Variants in LRRC7 observed in about 807,000 individuals in gnomAD.
LRRC7 encodes leucine-rich repeat-containing protein 7.
In LRRC7, 23 loss-of-function variants were observed where a neutral mutation model predicts 175.7. The ratio of observed to expected loss-of-function variants is 0.13; its 90% CI spans 0.09 to 0.19. LRRC7 has a LOEUF of 0.19. Among genes scored for constraint, LRRC7 ranks in the 10% least tolerant of loss-of-function variants. LRRC7 has a pLI of 1.00. For synonymous variants in LRRC7, 685 were observed against 680.9 expected, an observed-to-expected ratio of 1.01 and a Z score of -0.09; for missense variants, 1,354 against 1,904.7, an observed-to-expected ratio of 0.71 and a Z score of 5.38.
intron 4 of LRRC7, among the ~76,000 whole-genome samples, chr1:69,797,791 T>G (rs1021329930): frequency 1.2e-4 from 19 of 152,222 alleles, no homozygotes; most frequent in African/African-American, 4.3e-4. Context: ...ATAAGATATG[T>G]CATTTGAACT....
chr1:69,604,524 T>C (rs1292376365), intron 1 of LRRC7, among the ~76,000 whole-genome samples: 1 of 152,058 alleles, frequency 6.6e-6, no homozygotes, highest in Non-Finnish European at 1.5e-5. Flanking sequence ...ACTAATACCT[T>C]AACTTGATTT....
At position 69,937,673 on chromosome 1, in the gene LRRC7, A is replaced by ATGTT. The variant is rs534646091; in HGVS notation, c.711+6105_711+6108dup. ...AAAATTATCAGCCCTGTCTCTTTAA[A>ATGTT]TGTTTCCTTTTACCTATTTGCTCTG... On this transcript the variant is annotated intron_variant, in intron 8 of 26. Transcript: ENST00000651989. Among the ~76,000 whole-genome samples the ATGTT allele has an allele frequency of 9.9e-4, 151 of 152,104 alleles. 1 individual carries two copies. The South Asian group carries it at 0.031, about 31-fold the overall frequency.
chr1:70,074,747 A>G (rs1399128595), intron 23 of LRRC7, among the ~76,000 whole-genome samples: 3 of 152,190 alleles, frequency 2.0e-5, no homozygotes, highest in Non-Finnish European at 4.4e-5. Flanking sequence ...CCAAATAATA[A>G]TTTTTAATAT....
intron 3 of LRRC7, among the ~76,000 whole-genome samples, chr1:69,775,137 T>G (rs543530167): frequency 6.6e-6 from 1 of 152,334 alleles, no homozygotes; most frequent in South Asian, 2.1e-4. Flanking sequence ...AAATGATTTA[T>G]CAATGCGTCT....
intron 7 of LRRC7, among the ~76,000 whole-genome samples, chr1:69,907,464 G>A (rs1002191024): frequency 7.2e-5 from 11 of 152,062 alleles, no homozygotes; most frequent in African/African-American, 2.7e-4. Flanking sequence ...AGAGTTTTTA[G>A]CATGAAGGGT....
intron 1 of LRRC7, among the ~76,000 whole-genome samples, chr1:69,574,143 T>A (rs1036745538): frequency 2.0e-5 from 3 of 152,084 alleles, no homozygotes; most frequent in African/African-American, 7.2e-5. Context: ...GATATTTAAA[T>A]GTTGTAGTAC....
chr1:70,112,055 G>A (rs1315306958), intron 26 of LRRC7, among the ~76,000 whole-genome samples: 1 of 152,090 alleles, frequency 6.6e-6, no homozygotes, highest in Non-Finnish European at 1.5e-5. Context: ...TGTATTTCAA[G>A]ATGCTAAAAG....
chr1:69,820,704 T>C (rs996791553), intron 4 of LRRC7, among the ~76,000 whole-genome samples: 3 of 151,628 alleles, frequency 2.0e-5, no homozygotes, highest in Non-Finnish European at 4.4e-5. Flanking sequence ...TCCTTTTTTA[T>C]AGATGCATAG....
rs1666801234 is a variant in LRRC7, at chr1:70,134,807, C to G, written c.*12920C>G. Among the ~76,000 whole-genome samples the G allele has an allele frequency of 1.3e-5, 2 of 152,172 alleles. No individual in the cohort carries two copies. Among genetic ancestry groups the G allele is most frequent in the African/African-American group, 2.4e-5 (1 of 41,446 alleles). ...TTACCAAGTGTTCTTCCTCTCTTTTCAGAGAAGTTAAATATCTCCTTAACA... is the reference window on the plus strand; with the variant it reads ...TTACCAAGTGTTCTTCCTCTCTTTTGAGAGAAGTTAAATATCTCCTTAACA... On this transcript the variant is annotated 3_prime_UTR_variant, in exon 27 of 27. Coordinates refer to ENST00000651989, the MANE Select transcript of LRRC7 (RefSeq NM_001370785.2).
chr1:69,644,906 C>A (rs1011093781), intron 1 of LRRC7, among the ~76,000 whole-genome samples: 4 of 151,912 alleles, frequency 2.6e-5, no homozygotes, highest in African/African-American at 9.7e-5. Context: ...CAGAAAAAAG[C>A]ATTTGACAAA....
intron 1 of LRRC7, among the ~76,000 whole-genome samples, chr1:69,663,663 C>G (rs1434059671): frequency 6.7e-6 from 1 of 148,996 alleles, no homozygotes; most frequent in Non-Finnish European, 1.5e-5. Flanking sequence ...TGGTAACCAT[C>G]GTCCTACTCT....
In LRRC7 at chr1:69,568,001, G is replaced by T. The variant is rs983690733; in HGVS notation, c.-639G>T. Among the ~76,000 whole-genome samples, 6 of 152,082 alleles carry T rather than the reference G, an allele frequency of 3.9e-5. No homozygotes were observed. Among genetic ancestry groups the T allele is most frequent in the Non-Finnish European group, 5.9e-5 (4 of 68,024 alleles). ...GGTGAACACCGGGCTTGAAGCCACGGACACCCAGCCCCAGTGCAGCGGGTT... is the reference window on the plus strand; with the variant it reads ...GGTGAACACCGGGCTTGAAGCCACGTACACCCAGCCCCAGTGCAGCGGGTT... On this transcript the variant is annotated 5_prime_UTR_variant, in exon 1 of 27. Transcript: ENST00000651989.
intron 8 of LRRC7, among the ~76,000 whole-genome samples, chr1:69,963,865 G>C (rs1386546180): frequency 2.0e-5 from 3 of 152,170 alleles, no homozygotes; most frequent in Admixed American, 6.5e-5. Flanking sequence ...ACATCCATGA[G>C]GGTTTGTCTA....
chr1:69,766,931 A>G (rs1671687157), intron 3 of LRRC7, among the ~76,000 whole-genome samples: 1 of 152,154 alleles, frequency 6.6e-6, no homozygotes, highest in South Asian at 2.1e-4. Context: ...TCAGTTTTAC[A>G]AATTCAGTTG....
chr1:69,808,039 C>A (rs553977122), intron 4 of LRRC7, among the ~76,000 whole-genome samples: 1 of 151,714 alleles, frequency 6.6e-6, no homozygotes, highest in African/African-American at 2.4e-5. Flanking sequence ...TGATTTACTT[C>A]ATTAAGTCGA....
In LRRC7 at chr1:70,131,680, T is replaced by G. The variant is rs1390413793; in HGVS notation, c.*9793T>G. On this transcript the variant is annotated 3_prime_UTR_variant, in exon 27 of 27. Transcript: ENST00000651989. ...AAGATTTAGATAAAGTCATAGTATA[T>G]CTTGAAGGAAACAGCCACCATTGCT... Among the ~76,000 whole-genome samples, 2 of 152,186 alleles carry G rather than the reference T, an allele frequency of 1.3e-5. No individual in the cohort carries two copies. The highest frequency in any genetic ancestry group is 2.4e-5 in the African/African-American group (1 of 41,446).
intron 25 of LRRC7, among the ~76,000 whole-genome samples, chr1:70,103,233 A>G (rs1664918189): frequency 6.7e-6 from 1 of 148,864 alleles, no homozygotes; most frequent in Non-Finnish European, 1.5e-5. Context: ...TGTCTCAAAA[A>G]GAAAAAAAAA....
At chr1:69,673,032 C>T (rs1301321038) in intron 1 of LRRC7, among the ~76,000 whole-genome samples, 3 of 152,198 alleles carry the variant, frequency 2.0e-5, no homozygotes, top group Admixed American at 6.5e-5. Context: ...ACTTTATCAC[C>T]TGAATGAATT....
intron 1 of LRRC7, among the ~76,000 whole-genome samples, chr1:69,584,324 G>A (rs1009331937): frequency 7.2e-5 from 11 of 151,960 alleles, no homozygotes; most frequent in South Asian, 2.1e-4. Context: ...CCTAACCTCC[G>A]TTACTCCCTT....
Sources: allele counts gnomAD v4.1 joint callset (sites outside exome capture counted in the v4.1 genomes callset), GRCh38; gene constraint gnomAD v4.1.1; transcripts MANE v1.5; gene names NCBI Gene and HGNC (gene_info 2026-07-23, HGNC 2026-07-21).